ADAMTS17: variants seen among roughly 807,000 people sequenced by gnomAD.
ADAMTS17 encodes the protein A disintegrin and metalloproteinase with thrombospondin motifs 17.
A neutral mutation model predicts 141.5 loss-of-function variants in ADAMTS17; 113 were observed. The ratio of observed to expected loss-of-function variants is 0.80; its 90% CI spans 0.69 to 0.93. The LOEUF (loss-of-function observed/expected upper bound fraction) is 0.93. ADAMTS17 is among the 40% of genes least tolerant of loss of function. The pLI is 0.00. For synonymous variants in ADAMTS17, 768 were observed against 630.6 expected (o/e 1.22, Z -3.27); for missense variants, 1,659 against 1,517.9 (o/e 1.09, Z -1.54).
At chr15:100,310,539 C>T (rs1457636702) in intron 3 of ADAMTS17, among the ~76,000 whole-genome samples, 1 of 152,194 alleles carries the variant, frequency 6.6e-6, no homozygotes, top group Non-Finnish European at 1.5e-5. Flanking sequence ...TTTCTGCTCC[C>T]CAATTCTGGA....
chr15:100,282,137 G>C (rs1471108336), intron 3 of ADAMTS17, among the ~76,000 whole-genome samples: 1 of 152,170 alleles, frequency 6.6e-6, no homozygotes, highest in African/African-American at 2.4e-5. Flanking sequence ...CATAGTCTTT[G>C]TACATGGAAA....
At chr15:99,991,953 A>G (rs1445906507) in intron 20 of ADAMTS17, among the ~76,000 whole-genome samples, 1 of 152,128 alleles carries the variant, frequency 6.6e-6, no homozygotes, top group African/African-American at 2.4e-5. Flanking sequence ...GTTCTTACTC[A>G]TAAGTGGGAG....
At chr15:100,158,364 C>G (rs1450261758) in intron 8 of ADAMTS17, among the ~76,000 whole-genome samples, 1 of 152,136 alleles carries the variant, frequency 6.6e-6, no homozygotes, top group Non-Finnish European at 1.5e-5. Context: ...TATATTCATC[C>G]TTGGCACCAA....
At chr15:100,245,678 C>G (rs2042964784) in intron 7 of ADAMTS17, among the ~76,000 whole-genome samples, 1 of 152,236 alleles carries the variant, frequency 6.6e-6, no homozygotes, top group African/African-American at 2.4e-5. Flanking sequence ...CCAGCCAAGT[C>G]TCAAACACAA....
intron 7 of ADAMTS17, among the ~76,000 whole-genome samples, chr15:100,203,979 A>G (rs2041439008): frequency 6.6e-6 from 1 of 151,998 alleles, no homozygotes; most frequent in African/African-American, 2.4e-5. Flanking sequence ...AGAGGCTCCC[A>G]TCCACTAGCT....
At chr15:100,156,603 T>C (rs1359596944) in intron 8 of ADAMTS17, among the ~76,000 whole-genome samples, 1 of 152,248 alleles carries the variant, frequency 6.6e-6, no homozygotes, top group Non-Finnish European at 1.5e-5. Context: ...ACACTTGTTA[T>C]TTCAATTCAT....
At chr15:100,235,925 G>A (rs980845625) in intron 7 of ADAMTS17, among the ~76,000 whole-genome samples, 2 of 152,142 alleles carry the variant, frequency 1.3e-5, no homozygotes, top group South Asian at 4.2e-4. Context: ...CCAGGCAGAG[G>A]CCAGGCTCAA....
At position 100,288,521 on chromosome 15, in the gene ADAMTS17, C is replaced by T. The variant is rs558781821; in HGVS notation, c.617-7120G>A. On this transcript the variant is annotated intron_variant, in intron 3 of 21. Transcript: ENST00000268070. ...TCAACACTTGACCAAATGGATCTAA[C>T]AGACAACTACAAAACTCTCCGCCCA... Among the ~76,000 whole-genome samples the T allele has an allele frequency of 5.3e-5, 8 of 152,270 alleles. No homozygotes were observed. The South Asian group carries it at 1.7e-3, about 32-fold the overall frequency.
At chr15:100,224,519 C>A (rs1200362131) in intron 7 of ADAMTS17, among the ~76,000 whole-genome samples, 2 of 152,046 alleles carry the variant, frequency 1.3e-5, no homozygotes, top group Non-Finnish European at 2.9e-5. Context: ...AACAAAAAAA[C>A]CTCAAAAGGG....
At chr15:100,083,905 C>T (rs953062624) in intron 15 of ADAMTS17, among the ~76,000 whole-genome samples, 1 of 151,814 alleles carries the variant, frequency 6.6e-6, no homozygotes, top group Admixed American at 6.6e-5. Flanking sequence ...GTCTACAGCT[C>T]CCAGTGTGAG....
chr15:100,189,613 C>T (rs2040845375), intron 8 of ADAMTS17, among the ~76,000 whole-genome samples: 1 of 152,208 alleles, frequency 6.6e-6, no homozygotes, highest in Admixed American at 6.5e-5. Context: ...GCTGAAGGCT[C>T]CCCTGACCAG....
chr15:100,276,536 T>A (rs1433654013), intron 4 of ADAMTS17, among the ~76,000 whole-genome samples: 1 of 150,588 alleles, frequency 6.6e-6, no homozygotes, highest in African/African-American at 2.5e-5. Flanking sequence ...AGGGAGTGGG[T>A]GCCTGGCCAT....
rs1015806090 is a variant in ADAMTS17, at chr15:99,978,184, C to T, written c.2950-1962G>A. Reference sequence around the variant, plus strand: ...ATGCGGAGTCTCCAGACACAGGCTGCGTGGGAGGCGGTGGTGTCCCATCTG... The same window carrying T: ...ATGCGGAGTCTCCAGACACAGGCTGTGTGGGAGGCGGTGGTGTCCCATCTG... On this transcript the variant is annotated intron_variant, in intron 20 of 21. Transcript: ENST00000268070. Among the ~76,000 whole-genome samples, 5 of 152,262 alleles carry T rather than the reference C, an allele frequency of 3.3e-5. No homozygotes were observed. The East Asian group carries it at 7.7e-4, about 24-fold the overall frequency.
chr15:100,200,958 C>A (rs2041308520), intron 7 of ADAMTS17, among the ~76,000 whole-genome samples: 1 of 152,222 alleles, frequency 6.6e-6, no homozygotes, highest in Non-Finnish European at 1.5e-5. Flanking sequence ...TCCAAGGGCT[C>A]CTTCCATGAA....
intron 2 of ADAMTS17, among the ~76,000 whole-genome samples, chr15:100,334,923 T>C (rs1051162380): frequency 1.3e-5 from 2 of 152,162 alleles, no homozygotes; most frequent in African/African-American, 2.4e-5. Flanking sequence ...AGGCTTGCCA[T>C]GGTCGGAGGC....
chr15:100,189,150 G>A (rs777716110), intron 8 of ADAMTS17, among the ~76,000 whole-genome samples: 1 of 152,260 alleles, frequency 6.6e-6, no homozygotes, highest in African/African-American at 2.4e-5. Flanking sequence ...ACACTGTGAA[G>A]TGCAAGGCAC....
chr15:100,163,095 T>C (rs2039805269), intron 8 of ADAMTS17, among the ~76,000 whole-genome samples: 1 of 151,054 alleles, frequency 6.6e-6, no homozygotes, highest in African/African-American at 2.4e-5. Context: ...TAGTTCTATA[T>C]AGTTCTCTAT....
chr15:99,990,817 T>C (rs967795704), intron 20 of ADAMTS17, among the ~76,000 whole-genome samples: 3 of 152,198 alleles, frequency 2.0e-5, no homozygotes, highest in African/African-American at 4.8e-5. Context: ...CACATTTTCA[T>C]AGCGAAGCCA....
intron 3 of ADAMTS17, among the ~76,000 whole-genome samples, chr15:100,294,205 G>A (rs1206897391): frequency 1.3e-5 from 2 of 152,074 alleles, no homozygotes; most frequent in Non-Finnish European, 2.9e-5. Context: ...TAATTATTAG[G>A]GTCTAAGTAC....
Sources: gnomAD v4.1 joint callset for allele counts (sites outside exome capture counted in the v4.1 genomes callset) on GRCh38, gnomAD v4.1.1 for gene constraint, MANE v1.5 for transcripts, NCBI Gene and HGNC (gene_info 2026-07-23, HGNC 2026-07-21) for gene names.